The following RNF13 variants were observed in gnomAD, a reference collection of about 807,000 sequenced individuals.
The protein encoded by RNF13 is E3 ubiquitin-protein ligase RNF13.
Under a neutral mutation model 37.7 loss-of-function variants are expected in RNF13, and 19 were observed. That is an observed-to-expected ratio of 0.50 (90% confidence interval 0.35 to 0.74). RNF13 has a LOEUF of 0.74. Among genes scored for constraint, RNF13 ranks in the 30% least tolerant of loss-of-function variants. The probability of loss-of-function intolerance (pLI) is 0.01; values close to 1 mark genes in which losing one functional copy is unlikely to be tolerated. For synonymous variants in RNF13, 144 were observed against 157.8 expected (o/e 0.91, Z 0.65); for missense variants, 375 against 453.0 (o/e 0.83, Z 1.56).
At chr3:149,884,372 C>G (rs1713773683) in intron 4 of RNF13, among the ~76,000 whole-genome samples, 2 of 151,732 alleles carry the variant, frequency 1.3e-5, no homozygotes, top group South Asian at 4.2e-4. Context: ...CTAGGGTGTC[C>G]TCTGAATGAT....
At chr3:149,923,764 CA>C (rs375634287) in intron 8 of RNF13, among the ~76,000 whole-genome samples, 1,934 of 54,996 alleles carry the variant, frequency 0.035, 19 homozygotes, top group African/African-American at 0.083. Flanking sequence ...GACTCCATCT[CA>C]AAAAAAAAAA....
At chr3:149,890,427 A>G (rs1204968443) in intron 4 of RNF13, among the ~76,000 whole-genome samples, 1 of 152,172 alleles carries the variant, frequency 6.6e-6, no homozygotes, top group Non-Finnish European at 1.5e-5. Context: ...CTGTCCAACA[A>G]TAAACACTAG....
intron 4 of RNF13, among the ~76,000 whole-genome samples, chr3:149,885,401 G>GT (rs199739691): frequency 0.027 from 4,042 of 151,784 alleles, 69 homozygotes; most frequent in South Asian, 0.037. Context: ...CTTGTTGCCT[G>GT]TTTTTTTTGG....
chr3:149,846,429 A>C (rs1194887167), intron 2 of RNF13, among the ~76,000 whole-genome samples: 1 of 151,980 alleles, frequency 6.6e-6, no homozygotes, highest in Non-Finnish European at 1.5e-5. Flanking sequence ...CACCCTCCTG[A>C]GTAGCTGGAA....
chr3:149,920,820 G>A (rs1441439638), intron 7 of RNF13, among the ~76,000 whole-genome samples: 1 of 133,488 alleles, frequency 7.5e-6, no homozygotes, highest in East Asian at 2.2e-4. Context: ...ACCCATTGGA[G>A]TCTTTATAAA....
chr3:149,909,710 C>T (rs75583939), intron 6 of RNF13, among the ~76,000 whole-genome samples: 2,759 of 152,070 alleles, frequency 0.018, 94 homozygotes, highest in African/African-American at 0.063. Flanking sequence ...AGAACCCGGG[C>T]GTATGAATCT....
chr3:149,879,858 TTTCTAA>T (rs775516585), intron 4 of RNF13, among the ~76,000 whole-genome samples: 22 of 152,344 alleles, frequency 1.4e-4, no homozygotes, highest in South Asian at 6.2e-4. Flanking sequence ...TACTGTGTAT[TTTCTAA>T]TTCTTTCTTT....
At chr3:149,869,328 G>A (rs533131221) in intron 3 of RNF13, among the ~76,000 whole-genome samples, 16 of 151,936 alleles carry the variant, frequency 1.1e-4, no homozygotes, top group Non-Finnish European at 1.6e-4. Context: ...ATATTAGGCC[G>A]GGCGCGGTGG....
chr3:149,864,288 T>C (rs1175149029), intron 3 of RNF13, among the ~76,000 whole-genome samples: 6 of 152,042 alleles, frequency 3.9e-5, no homozygotes, highest in Non-Finnish European at 7.4e-5. Flanking sequence ...TTTCATCATG[T>C]GATCTCTTCT....
intron 1 of RNF13, among the ~76,000 whole-genome samples, chr3:149,843,216 G>A (rs1020908839): frequency 6.6e-6 from 1 of 152,060 alleles, no homozygotes; most frequent in Admixed American, 6.5e-5. Flanking sequence ...AAAGTATTTG[G>A]GTGGACATGT....
At chr3:149,875,275 C>T (rs1381879694) in intron 4 of RNF13, among the ~76,000 whole-genome samples, 2 of 151,878 alleles carry the variant, frequency 1.3e-5, no homozygotes, top group Non-Finnish European at 2.9e-5. Flanking sequence ...TAAAATTTTC[C>T]TTGGAGAAAG....
chr3:149,864,008 A>ATT lies in RNF13; in HGVS notation c.196-7990_196-7989dup, dbSNP rs535062004. Among the ~76,000 whole-genome samples, 51 of 29,692 alleles carry ATT rather than the reference A, an allele frequency of 1.7e-3. 3 individuals are homozygous for ATT. Among genetic ancestry groups the ATT allele is most frequent in the South Asian group, 7.3e-3 (4 of 548 alleles). 19.5% of individuals were successfully genotyped at this position (29,692 alleles called of 152,430 possible). A position where few individuals can be genotyped will look rare whatever the true frequency, so the allele number is the denominator to read the frequency against. ...GCTGGAATGGCAATGTTTGATTGGA[A>ATT]TTTTTTTTTTTTTTTTTTTTTTTTT... On this transcript the variant is annotated intron_variant, in intron 3 of 9. Coordinates refer to ENST00000392894, the MANE Select transcript of RNF13 (RefSeq NM_183381.3).
intron 8 of RNF13, among the ~76,000 whole-genome samples, chr3:149,935,472 C>CTTT (rs1719582657): frequency 6.6e-6 from 1 of 151,822 alleles, no homozygotes; most frequent in East Asian, 1.9e-4. Context: ...CTTTCTCTTT[C>CTTT]ACCTTTCTTT....
chr3:149,849,926 A>G (rs1175792164), intron 2 of RNF13, among the ~76,000 whole-genome samples: 1 of 152,132 alleles, frequency 6.6e-6, no homozygotes, highest in African/African-American at 2.4e-5. Flanking sequence ...AGTCAAACTT[A>G]TGTGGTAATC....
At chr3:149,845,206 G>A (rs1281095076) in intron 1 of RNF13, among the ~76,000 whole-genome samples, 3 of 152,088 alleles carry the variant, frequency 2.0e-5, no homozygotes, top group South Asian at 2.1e-4. Context: ...TCATCAAAAC[G>A]GATATTACAT....
At chr3:149,952,168 T>C (rs1252297327) in intron 8 of RNF13, among the ~76,000 whole-genome samples, 1 of 152,180 alleles carries the variant, frequency 6.6e-6, no homozygotes, top group Non-Finnish European at 1.5e-5. Context: ...AGGTAAAATA[T>C]CCATTTATAT....
intron 8 of RNF13, among the ~76,000 whole-genome samples, chr3:149,935,170 T>C (rs1719549937): frequency 6.6e-6 from 1 of 152,232 alleles, no homozygotes; most frequent in Non-Finnish European, 1.5e-5. Context: ...TTGTTGTTTA[T>C]TTTATCTGAT....
chr3:149,941,889 A>ATATTTATTTATTTATTTATTTATT lies in RNF13; in HGVS notation c.701-18160_701-18137dup, dbSNP rs58521010. Among the ~76,000 whole-genome samples, 215 of 144,344 alleles carry ATATTTATTTATTTATTTATTTATT rather than the reference A, an allele frequency of 1.5e-3. 2 individuals carry two copies. Among genetic ancestry groups the ATATTTATTTATTTATTTATTTATT allele is most frequent in the South Asian group, 2.2e-3 (10 of 4,544 alleles). 94.7% of individuals were successfully genotyped at this position (144,344 alleles called of 152,430 possible). A position where few individuals can be genotyped will look rare whatever the true frequency, so the allele number is the denominator to read the frequency against. ...AAGGTGTAAGTTAAGGTCCAGCTTA[A>ATATTTATTTATTTATTTATTTATT]TATTTATTTATTTATTTATTTATTT... On this transcript the variant is annotated intron_variant, in intron 8 of 9. Coordinates refer to ENST00000392894, the MANE Select transcript of RNF13 (RefSeq NM_183381.3).
At chr3:149,937,309 C>A (rs1719793999) in intron 8 of RNF13, among the ~76,000 whole-genome samples, 1 of 152,144 alleles carries the variant, frequency 6.6e-6, no homozygotes, top group South Asian at 2.1e-4. Flanking sequence ...GTCTCAGTTT[C>A]TCCAGGATAG....
Sources: gnomAD v4.1 joint callset for allele counts (sites outside exome capture counted in the v4.1 genomes callset) on GRCh38, gnomAD v4.1.1 for gene constraint, MANE v1.5 for transcripts, NCBI Gene and HGNC (gene_info 2026-07-23, HGNC 2026-07-21) for gene names.